Variants in NEBL observed in about 807,000 individuals in gnomAD.
NEBL encodes nebulette, also known as LIM and SH3 protein 2.
NEBL carries 122 observed loss-of-function variants against 140.2 expected under a neutral mutation model. The observed-to-expected ratio is 0.87, with a 90% CI of 0.75 to 1.01. The LOEUF (loss-of-function observed/expected upper bound fraction) is 1.01. NEBL is among the 50% of genes least tolerant of loss of function. The pLI, the probability that NEBL is intolerant of heterozygous loss-of-function variation, is 0.00. For missense variants in NEBL, 1,365 were observed against 1,231.3 expected, an observed-to-expected ratio of 1.11 and a Z score of -1.62; for synonymous variants, 436 against 398.9, an observed-to-expected ratio of 1.09 and a Z score of -1.11.
chr10:21,047,066 A>C (rs1834553278), intron 2 of NEBL, among the ~76,000 whole-genome samples: 1 of 152,190 alleles, frequency 6.6e-6, no homozygotes, highest in Non-Finnish European at 1.5e-5. Flanking sequence ...AAATGTGATG[A>C]ATGTTACTGC....
chr10:20,896,511 T>TATATATATATAC, intron 2 of NEBL, among the ~76,000 whole-genome samples: 1 of 142,774 alleles, frequency 7.0e-6, no homozygotes, highest in Non-Finnish European at 1.5e-5. Flanking sequence ...TATATATATA[T>TATATATATATAC]ATATATGCAT....
At chr10:21,054,431 C>G (rs1300214076) in intron 2 of NEBL, among the ~76,000 whole-genome samples, 1 of 152,146 alleles carries the variant, frequency 6.6e-6, no homozygotes, top group Non-Finnish European at 1.5e-5. Context: ...CAAGCATTTC[C>G]GGGTCATTCT....
intron 25 of NEBL, among the ~76,000 whole-genome samples, chr10:20,809,440 T>C (rs142279732): frequency 4.9e-4 from 74 of 152,340 alleles, no homozygotes; most frequent in African/African-American, 1.7e-3. Context: ...CTGTTCTATA[T>C]ATAATTCTTT....
At chr10:20,874,267 C>T (rs1845264233) in intron 5 of NEBL, among the ~76,000 whole-genome samples, 1 of 152,190 alleles carries the variant, frequency 6.6e-6, no homozygotes, top group Admixed American at 6.5e-5. Context: ...TCCCCCATCA[C>T]TCCATGTGAT....
At chr10:20,924,506 A>G (rs1191276339) in intron 4 of NEBL, among the ~76,000 whole-genome samples, 2 of 135,796 alleles carry the variant, frequency 1.5e-5, no homozygotes, top group Non-Finnish European at 3.1e-5. Context: ...AAAGTGCAAT[A>G]CAGAGAGTAT....
At chr10:21,244,767 G>A (rs992933923) in intron 3 of NEBL, among the ~76,000 whole-genome samples, 5 of 149,640 alleles carry the variant, frequency 3.3e-5, no homozygotes, top group African/African-American at 7.4e-5. Flanking sequence ...CCCAGCTACC[G>A]AGCAGGCTGA....
At chr10:21,237,393 C>T (rs993350858) in intron 3 of NEBL, among the ~76,000 whole-genome samples, 2 of 152,012 alleles carry the variant, frequency 1.3e-5, no homozygotes, top group African/African-American at 4.8e-5. Flanking sequence ...TTAGTAGAGA[C>T]GAGGTTTCAC....
At chr10:21,007,272 G>T (rs1472683059) in intron 3 of NEBL, among the ~76,000 whole-genome samples, 1 of 152,196 alleles carries the variant, frequency 6.6e-6, no homozygotes, top group African/African-American at 2.4e-5. Flanking sequence ...GCAGGGCTGG[G>T]CCAAAGGAGG....
chr10:21,076,592 T>A (rs1415696677), intron 2 of NEBL, among the ~76,000 whole-genome samples: 1 of 148,658 alleles, frequency 6.7e-6, no homozygotes, highest in Admixed American at 6.8e-5. Flanking sequence ...CCACAACAGA[T>A]AAAAGGCAGA....
chr10:20,866,905 C>T (rs192665216), intron 7 of NEBL, among the ~76,000 whole-genome samples: 1 of 152,054 alleles, frequency 6.6e-6, no homozygotes, highest in Admixed American at 6.5e-5. Flanking sequence ...AGCCGTTAAT[C>T]TTTTTCATTC....
chr10:21,120,096 C>T (rs1351140439), intron 2 of NEBL, among the ~76,000 whole-genome samples: 1 of 151,892 alleles, frequency 6.6e-6, no homozygotes, highest in African/African-American at 2.4e-5. Context: ...TTTAGCCAGG[C>T]ACAGTGGCTT....
chr10:21,200,298 T>C (rs1306183407), intron 3 of NEBL, among the ~76,000 whole-genome samples: 4 of 145,858 alleles, frequency 2.7e-5, no homozygotes, highest in Non-Finnish European at 5.9e-5. Context: ...AAGTGACATA[T>C]TCCAAGGGAC....
intron 2 of NEBL, among the ~76,000 whole-genome samples, chr10:21,048,192 C>T (rs764695674): frequency 6.6e-6 from 1 of 152,194 alleles, no homozygotes; most frequent in South Asian, 2.1e-4. Flanking sequence ...TCCCCTCGCA[C>T]GCTGTCCTCA....
At chr10:21,107,847 C>A (rs897741931) in intron 2 of NEBL, among the ~76,000 whole-genome samples, 2 of 152,148 alleles carry the variant, frequency 1.3e-5, no homozygotes, top group African/African-American at 4.8e-5. Flanking sequence ...AATTTCAGAA[C>A]CTGTCATTGG....
At chr10:21,062,882 G>A (rs1269905034) in intron 2 of NEBL, among the ~76,000 whole-genome samples, 3 of 152,018 alleles carry the variant, frequency 2.0e-5, no homozygotes, top group South Asian at 2.1e-4. Context: ...TTAAGCATTT[G>A]AGTCTACAGA....
chr10:20,919,164 T>C (rs1833456807), intron 4 of NEBL, among the ~76,000 whole-genome samples: 1 of 152,170 alleles, frequency 6.6e-6, no homozygotes, highest in African/African-American at 2.4e-5. Context: ...AGAGAAGGCA[T>C]CTGAGCTATA....
intron 1 of NEBL, among the ~76,000 whole-genome samples, chr10:21,259,064 GCA>G (rs1039385404): frequency 5.4e-5 from 8 of 148,562 alleles, no homozygotes; most frequent in African/African-American, 2.0e-4. Flanking sequence ...AAAAAAAGAC[GCA>G]CAGTCTTTTT....
At chr10:20,988,970 C>T (rs1339648354) in intron 3 of NEBL, among the ~76,000 whole-genome samples, 1 of 152,194 alleles carries the variant, frequency 6.6e-6, no homozygotes, top group Non-Finnish European at 1.5e-5. Flanking sequence ...TACATATTTG[C>T]TGAATGAATA....
In NEBL at chr10:21,036,286, T is replaced by C. The variant is rs139752215; in HGVS notation, c.165-16085A>G. ...GTGGGCAACATAGCAAGACCTCCTT[T>C]CTACAAAAAATTCTCAAATTAGCCA... On this transcript the variant is annotated intron_variant, in intron 2 of 6. Transcript: ENST00000417816. Among the ~76,000 whole-genome samples, 97 of 152,086 alleles carry C rather than the reference T, an allele frequency of 6.4e-4. 1 individual carries two copies. In the East Asian group the frequency reaches 0.018, roughly 29 times the overall value.
Sources: gnomAD v4.1 joint callset for allele counts (sites outside exome capture counted in the v4.1 genomes callset) on GRCh38, gnomAD v4.1.1 for gene constraint, MANE v1.5 for transcripts, NCBI Gene and HGNC (gene_info 2026-07-23, HGNC 2026-07-21) for gene names.